Variants in PTPRN2 observed in about 807,000 individuals in gnomAD.
PTPRN2 encodes receptor-type tyrosine-protein phosphatase N2.
Under a neutral mutation model 118.8 loss-of-function variants are expected in PTPRN2, and 74 were observed. The ratio of observed to expected loss-of-function variants is 0.62; its 90% CI spans 0.52 to 0.76. PTPRN2 has a LOEUF of 0.76. PTPRN2 is among the 30% of genes least tolerant of loss of function. The pLI is 0.00. For missense variants in PTPRN2, 1,481 were observed against 1,394.4 expected, an observed-to-expected ratio of 1.06 and a Z score of -0.99; for synonymous variants, 641 against 608.0, an observed-to-expected ratio of 1.05 and a Z score of -0.80.
intron 9 of PTPRN2, among the ~76,000 whole-genome samples, chr7:158,115,098 T>C (rs1816624129): frequency 6.6e-6 from 1 of 152,090 alleles, no homozygotes; most frequent in African/African-American, 2.4e-5. Context: ...GTCCAGGAGC[T>C]CAAGGCTGCA....
chr7:158,001,654 G>A (rs1805273954), intron 11 of PTPRN2, among the ~76,000 whole-genome samples: 1 of 152,140 alleles, frequency 6.6e-6, no homozygotes, highest in Non-Finnish European at 1.5e-5. Context: ...AAAACCATCA[G>A]CAGCCTCAGG....
Position 158,003,413 on chromosome 7 carries a change from CAAA to C in PTPRN2, c.1723+77882_1723+77884del, listed in dbSNP as rs11352464. ...TGGGAGACACAGCGAGACTCCGTCT[CAAA>C]AAAAAAAAAAAAAAAAAATGAGGTC... On this transcript the variant is annotated intron_variant, in intron 11 of 22. Transcript: ENST00000389418. The surrounding 1 kb of genome is among the most constrained non-coding windows in gnomAD (Gnocchi z 5.0). Among the ~76,000 whole-genome samples, 21 of 87,354 alleles carry C rather than the reference CAAA, an allele frequency of 2.4e-4. No individual in the cohort carries two copies. The highest frequency in any genetic ancestry group is 4.0e-4 in the African/African-American group (9 of 22,288). The allele number at this position is 87,354 out of a possible 152,430, so 57.3% of individuals were successfully genotyped here.
At chr7:158,414,605 C>G (rs759363392) in intron 2 of PTPRN2, among the ~76,000 whole-genome samples, 1 of 152,246 alleles carries the variant, frequency 6.6e-6, no homozygotes, top group Non-Finnish European at 1.5e-5. Flanking sequence ...AGCTCACATG[C>G]GGGCTGGAGG....
At chr7:158,238,750 C>A (rs186933691) in intron 3 of PTPRN2, among the ~76,000 whole-genome samples, 1 of 152,066 alleles carries the variant, frequency 6.6e-6, no homozygotes, top group Non-Finnish European at 1.5e-5. Flanking sequence ...CAGGGACCGA[C>A]GGATTCAGTC....
chr7:157,822,117 C>T (rs1806881405), intron 12 of PTPRN2, among the ~76,000 whole-genome samples: 1 of 151,718 alleles, frequency 6.6e-6, no homozygotes, highest in Non-Finnish European at 1.5e-5. Context: ...TCCACTCATC[C>T]ACTATCCATT....
rs1285106837 is a variant in PTPRN2, at chr7:157,994,898, C to A, written c.1723+86400G>T. Among the ~76,000 whole-genome samples the A allele has an allele frequency of 5.4e-4, 7 of 13,054 alleles. 1 individual carries two copies. The highest frequency in any genetic ancestry group is 9.9e-4 in the Non-Finnish European group (6 of 6,086). 8.6% of individuals were successfully genotyped at this position (13,054 alleles called of 152,430 possible). On this transcript the variant is annotated intron_variant, in intron 11 of 22. Coordinates refer to ENST00000389418, the MANE Select transcript of PTPRN2 (RefSeq NM_002847.5). ...AAATCAACGCCGTGTCCCCAGCTTA[C>A]AACTCCTTGTTCCTAAATCAACGCT...
At chr7:157,726,471 G>A (rs530120248) in intron 12 of PTPRN2, among the ~76,000 whole-genome samples, 4 of 152,312 alleles carry the variant, frequency 2.6e-5, no homozygotes, top group South Asian at 2.1e-4. Flanking sequence ...CCACCCGAGC[G>A]TGCGCTGACT....
intron 11 of PTPRN2, among the ~76,000 whole-genome samples, chr7:157,976,061 C>A (rs1008576068): frequency 2.0e-5 from 3 of 152,258 alleles, no homozygotes; most frequent in Non-Finnish European, 4.4e-5. Context: ...TGAGTGCTCA[C>A]CATCCAAGTC....
intron 3 of PTPRN2, among the ~76,000 whole-genome samples, chr7:158,234,501 G>A (rs137864422): frequency 0.014 from 1,128 of 78,438 alleles, 13 homozygotes; most frequent in Middle Eastern, 0.048. Flanking sequence ...CATACAAATG[G>A]CCAACAGATA....
At chr7:158,187,450 C>T (rs1450606137) in intron 5 of PTPRN2, among the ~76,000 whole-genome samples, 1 of 152,152 alleles carries the variant, frequency 6.6e-6, no homozygotes, top group Non-Finnish European at 1.5e-5. Flanking sequence ...AGGGGAGAAG[C>T]CGGGGCCCAG....
chr7:157,701,622 G>A (rs1798070553), intron 12 of PTPRN2, among the ~76,000 whole-genome samples: 1 of 152,198 alleles, frequency 6.6e-6, no homozygotes, highest in Non-Finnish European at 1.5e-5. Flanking sequence ...CTTCCTACCC[G>A]AAGTTCTGTG....
At position 158,555,691 on chromosome 7, in the gene PTPRN2, A is replaced by G. The variant is rs898877634; in HGVS notation, c.112+31867T>C. 2.0e-5 allele frequency among the ~76,000 whole-genome samples: 3 copies of G among 152,212 alleles called. No individual in the cohort carries two copies. The highest frequency in any genetic ancestry group is 7.2e-5 in the African/African-American group (3 of 41,458). ...CTTCACAGAAGCTGGCAACAGAGTC[A>G]GGAATCTGAAGGGTAAAGGGAGCTC... is the stretch of plus-strand genomic sequence containing the variant. On this transcript the variant is annotated intron_variant, in intron 1 of 22. Coordinates refer to ENST00000389418, the MANE Select transcript of PTPRN2 (RefSeq NM_002847.5). The surrounding 1 kb of genome is among the most constrained non-coding windows in gnomAD (Gnocchi z 4.7).
intron 2 of PTPRN2, among the ~76,000 whole-genome samples, chr7:158,433,727 T>G (rs998831575): frequency 1.1e-4 from 16 of 152,120 alleles, no homozygotes; most frequent in South Asian, 2.1e-4. Flanking sequence ...TTCTTATATT[T>G]CTTTAACTTC....
intron 11 of PTPRN2, among the ~76,000 whole-genome samples, chr7:158,026,124 C>T (rs766784475): frequency 6.6e-6 from 1 of 152,184 alleles, no homozygotes; most frequent in Non-Finnish European, 1.5e-5. Context: ...CCGGGGTCGG[C>T]GCGGAGGGAA....
chr7:157,733,817 C>T lies in PTPRN2; in HGVS notation c.1789-50880G>A, dbSNP rs1485375736. 1.4e-4 allele frequency among the ~76,000 whole-genome samples: 5 copies of T among 36,266 alleles called. 2 individuals are homozygous for T. Among genetic ancestry groups the T allele is most frequent in the Admixed American group, 4.9e-4 (2 of 4,062 alleles). The allele number at this position is 36,266 out of a possible 152,430, so 23.8% of individuals were successfully genotyped here. ...CGCGCCCAGCACAGTTACTCTTTTCCGTCCCACGCGCCCAGCACAGTTACT... is the reference window on the plus strand; with the variant it reads ...CGCGCCCAGCACAGTTACTCTTTTCTGTCCCACGCGCCCAGCACAGTTACT... On this transcript the variant is annotated intron_variant, in intron 12 of 22. Coordinates refer to ENST00000389418, the MANE Select transcript of PTPRN2 (RefSeq NM_002847.5).
chr7:158,260,510 G>C (rs141740291), intron 3 of PTPRN2, among the ~76,000 whole-genome samples: 1 of 152,318 alleles, frequency 6.6e-6, no homozygotes, highest in East Asian at 1.9e-4. Flanking sequence ...TAGAAAAAGA[G>C]TCTATTTGAA....
At chr7:158,511,019 A>G (rs994211966) in intron 1 of PTPRN2, among the ~76,000 whole-genome samples, 20 of 152,272 alleles carry the variant, frequency 1.3e-4, no homozygotes, top group African/African-American at 3.4e-4. Flanking sequence ...TAATAGAACT[A>G]TCATCAATAG....
At chr7:157,878,681 G>A (rs1208275316) in intron 12 of PTPRN2, among the ~76,000 whole-genome samples, 3 of 138,198 alleles carry the variant, frequency 2.2e-5, no homozygotes, top group African/African-American at 8.6e-5. Flanking sequence ...GGCTGGAAGG[G>A]TCAGTGTGAT....
chr7:157,959,658 C>T (rs949768499), intron 11 of PTPRN2, among the ~76,000 whole-genome samples: 14 of 152,134 alleles, frequency 9.2e-5, no homozygotes, highest in East Asian at 3.9e-4. Flanking sequence ...CTCCTCAGGA[C>T]GGCCATCCTC....
Sources: gnomAD v4.1 joint callset for allele counts (sites outside exome capture counted in the v4.1 genomes callset) on GRCh38, gnomAD v4.1.1 for gene constraint, Gnocchi (gnomAD v3.1) non-coding constraint, MANE v1.5 for transcripts, NCBI Gene and HGNC (gene_info 2026-07-23, HGNC 2026-07-21) for gene names.